KIAA0825: variants seen among roughly 807,000 people sequenced by gnomAD.
KIAA0825 encodes uncharacterized protein KIAA0825.
Under a neutral mutation model 147.6 loss-of-function variants are expected in KIAA0825, and 119 were observed. The observed-to-expected ratio is 0.81, with a 90% CI of 0.69 to 0.94. The LOEUF (loss-of-function observed/expected upper bound fraction) is 0.94. Ranked by LOEUF, KIAA0825 falls within the 40% of genes least tolerant of loss-of-function variation. The pLI is 0.00. For missense variants in KIAA0825, 1,381 were observed against 1,472.7 expected, an observed-to-expected ratio of 0.94 and a Z score of 1.02; for synonymous variants, 470 against 518.1, an observed-to-expected ratio of 0.91 and a Z score of 1.26.
chr5:94,517,235 T>C (rs1480302077), intron 5 of KIAA0825, among the ~76,000 whole-genome samples: 2 of 152,306 alleles, frequency 1.3e-5, no homozygotes, highest in East Asian at 3.9e-4. Flanking sequence ...AGAAATCTTC[T>C]TTTTTTGGCT....
intron 20 of KIAA0825, among the ~76,000 whole-genome samples, chr5:94,258,146 G>A (rs748510557): frequency 6.6e-6 from 1 of 151,942 alleles, no homozygotes; most frequent in Non-Finnish European, 1.5e-5. Context: ...ATGCTCTTGG[G>A]GAAACATTAA....
chr5:94,256,520 T>C lies in KIAA0825; in HGVS notation c.3711-102396A>G, dbSNP rs570386251. Among the ~76,000 whole-genome samples the C allele has an allele frequency of 5.3e-5, 8 of 152,314 alleles. 1 individual carries two copies. Among genetic ancestry groups the C allele is most frequent in the African/African-American group, 1.9e-4 (8 of 41,578 alleles). ...GTAATGCTTATTCTCAGGTGAAATA[T>C]AGCACTCTTATGCTGCACAGATTTA... On this transcript the variant is annotated intron_variant, in intron 20 of 20. Coordinates refer to ENST00000682413, the MANE Select transcript of KIAA0825 (RefSeq NM_001145678.3).
chr5:94,410,892 T>C (rs556634892), intron 15 of KIAA0825, among the ~76,000 whole-genome samples: 6 of 103,982 alleles, frequency 5.8e-5, no homozygotes, highest in Non-Finnish European at 1.3e-4. Flanking sequence ...ACAATACCTA[T>C]TGGAAACTCA....
At chr5:94,274,271 T>C (rs1390008901) in intron 20 of KIAA0825, among the ~76,000 whole-genome samples, 1 of 152,086 alleles carries the variant, frequency 6.6e-6, no homozygotes, top group Non-Finnish European at 1.5e-5. Context: ...GAACTATCTC[T>C]TTCACCCTTA....
At chr5:94,570,897 A>G (rs1212378126) in intron 2 of KIAA0825, among the ~76,000 whole-genome samples, 1 of 152,208 alleles carries the variant, frequency 6.6e-6, no homozygotes, top group African/African-American at 2.4e-5. Context: ...ATCGTGCATT[A>G]CTGCCAGCCA....
At chr5:94,497,981 A>T (rs1764580936) in intron 5 of KIAA0825, among the ~76,000 whole-genome samples, 1 of 152,064 alleles carries the variant, frequency 6.6e-6, no homozygotes, top group African/African-American at 2.4e-5. Flanking sequence ...ATTAAAATTC[A>T]CACTAGAATT....
chr5:94,592,862 G>T, intron 1 of KIAA0825: 4 of 581,164 alleles, frequency 6.9e-6, no homozygotes, highest in South Asian at 4.8e-5. Flanking sequence ...TTTCAATTTC[G>T]ACTCATCAGT....
chr5:94,173,226 G>A (rs13156002), intron 20 of KIAA0825, among the ~76,000 whole-genome samples: 13,331 of 146,952 alleles, frequency 0.091, 732 homozygotes, highest in Middle Eastern at 0.14. Flanking sequence ...AAACTAGGGA[G>A]TGAGAAAAGA....
intron 20 of KIAA0825, among the ~76,000 whole-genome samples, chr5:94,314,536 C>T (rs1779471487): frequency 6.6e-6 from 1 of 151,560 alleles, no homozygotes; most frequent in South Asian, 2.1e-4. Flanking sequence ...AGGTGATAAA[C>T]AGAATGGAAG....
At chr5:94,534,223 A>C (rs1369537377) in intron 3 of KIAA0825, among the ~76,000 whole-genome samples, 6 of 152,224 alleles carry the variant, frequency 3.9e-5, no homozygotes, top group Non-Finnish European at 4.4e-5. Context: ...CAACTACTGC[A>C]GTGTAAGTGT....
intron 20 of KIAA0825, among the ~76,000 whole-genome samples, chr5:94,302,026 G>T (rs965885673): frequency 6.6e-6 from 1 of 152,118 alleles, no homozygotes; most frequent in Non-Finnish European, 1.5e-5. Flanking sequence ...GGCATAAAAG[G>T]TGATTGTTCA....
chr5:94,549,008 A>G (rs1584857313), intron 2 of KIAA0825, among the ~76,000 whole-genome samples: 1 of 152,214 alleles, frequency 6.6e-6, no homozygotes, highest in Non-Finnish European at 1.5e-5. Context: ...CCTTACTTTC[A>G]GCATAGGACA....
intron 20 of KIAA0825, among the ~76,000 whole-genome samples, chr5:94,338,260 A>G (rs1782007691): frequency 6.6e-6 from 1 of 151,548 alleles, no homozygotes; most frequent in Non-Finnish European, 1.5e-5. Context: ...TATATATGCT[A>G]CAGTATTTTG....
intron 20 of KIAA0825, among the ~76,000 whole-genome samples, chr5:94,197,939 CT>C (rs1771294545): frequency 2.0e-5 from 3 of 152,078 alleles, no homozygotes; most frequent in African/African-American, 7.2e-5. Flanking sequence ...CTGAGGGTTG[CT>C]TTGGCTATTT....
At chr5:94,486,379 CCACTT>C (rs1232931089) in intron 5 of KIAA0825, among the ~76,000 whole-genome samples, 1 of 151,986 alleles carries the variant, frequency 6.6e-6, no homozygotes, top group Non-Finnish European at 1.5e-5. Context: ...TATGGCTATT[CCACTT>C]CACTTCAGTG....
chr5:94,386,529 C>T (rs1749163535), intron 18 of KIAA0825, 125 bp from the exon 19 acceptor site: 1 of 729,604 alleles, frequency 1.4e-6, no homozygotes. Flanking sequence ...TTACTTGCCT[C>T]AGGGAAGAAT....
intron 20 of KIAA0825, among the ~76,000 whole-genome samples, chr5:94,334,234 G>A (rs904824596): frequency 1.3e-5 from 2 of 152,152 alleles, no homozygotes; most frequent in African/African-American, 2.4e-5. Context: ...TGTTCAACAC[G>A]ATACAGAAAG....
intron 5 of KIAA0825, among the ~76,000 whole-genome samples, chr5:94,518,951 GA>G (rs1279731313): frequency 1.3e-5 from 2 of 151,770 alleles, no homozygotes; most frequent in African/African-American, 4.8e-5. Context: ...AAGTAAGCAG[GA>G]TTTTTTTTTC....
At position 94,407,573 on chromosome 5, in the gene KIAA0825, G is replaced by A. The variant is rs1752225242; in HGVS notation, c.2663-3780C>T. Among the ~76,000 whole-genome samples, 5 of 152,276 alleles carry A rather than the reference G, an allele frequency of 3.3e-5. No individual in the cohort carries two copies. The South Asian group carries it at 1.0e-3, about 32-fold the overall frequency. Reference sequence around the variant, plus strand: ...ATTAACCTTGAAAATATTGTACTAAGTGAAAGAAACCGGACACAAAATGCA... The same window carrying A: ...ATTAACCTTGAAAATATTGTACTAAATGAAAGAAACCGGACACAAAATGCA... On this transcript the variant is annotated intron_variant, in intron 15 of 20. Transcript: ENST00000682413.
Sources: gnomAD v4.1 joint callset for allele counts (sites outside exome capture counted in the v4.1 genomes callset) on GRCh38, gnomAD v4.1.1 for gene constraint, MANE v1.5 for transcripts, NCBI Gene and HGNC (gene_info 2026-07-23, HGNC 2026-07-21) for gene names.